COL23A1: variants seen among roughly 807,000 people sequenced by gnomAD.
COL23A1 encodes the protein collagen alpha-1(XXIII) chain.
In COL23A1, 97 loss-of-function variants were observed where a neutral mutation model predicts 99.3. That is an observed-to-expected ratio of 0.98 (90% CI 0.83 to 1.16). The LOEUF (loss-of-function observed/expected upper bound fraction) is 1.16, where lower values mean the gene tolerates loss of function less well. Ranked by LOEUF, COL23A1 falls within the 50% of genes most tolerant of loss-of-function variation. The pLI, the probability that COL23A1 is intolerant of heterozygous loss-of-function variation, is 0.00. For synonymous variants in COL23A1, 320 were observed against 308.2 expected, an observed-to-expected ratio of 1.04 and a Z score of -0.40; for missense variants, 762 against 757.4, an observed-to-expected ratio of 1.01 and a Z score of -0.07.
Position 178,294,183 on chromosome 5 carries a change from G to A in COL23A1, c.407-3814C>T, listed in dbSNP as rs139994755. On this transcript the variant is annotated intron_variant, in intron 3 of 28. Transcript: ENST00000390654. ...CTCACTGTCTTGTTCCTAAGACAAT[G>A]GCCCGAACCCAGTGGTGCCTTCCAC... is the stretch of plus-strand genomic sequence containing the variant. Among the ~76,000 whole-genome samples the A allele has an allele frequency of 2.9e-3, 442 of 152,086 alleles. 3 individuals are homozygous for A. The highest frequency in any genetic ancestry group is 9.8e-3 in the African/African-American group (408 of 41,454).
intron 2 of COL23A1, among the ~76,000 whole-genome samples, chr5:178,464,778 G>A (rs1209425766): frequency 6.6e-6 from 1 of 152,204 alleles, no homozygotes; most frequent in Non-Finnish European, 1.5e-5. Context: ...CAGATGTTGG[G>A]TGTAGCTCTC....
chr5:178,345,797 T>C (rs1241185948), intron 2 of COL23A1, among the ~76,000 whole-genome samples: 1 of 152,060 alleles, frequency 6.6e-6, no homozygotes, highest in African/African-American at 2.4e-5. Context: ...AGTGCTGGGA[T>C]TATAGGTATG....
intron 1 of COL23A1, among the ~76,000 whole-genome samples, chr5:178,578,051 A>G (rs553981570): frequency 1.3e-3 from 204 of 151,734 alleles, no homozygotes; most frequent in South Asian, 9.7e-3. Flanking sequence ...ACGTGCATGC[A>G]CACACCCACA....
intron 3 of COL23A1, among the ~76,000 whole-genome samples, chr5:178,295,969 A>G (rs2973780): frequency 0.6 from 92,033 of 152,194 alleles, 28,335 homozygotes; most frequent in Non-Finnish European, 0.66. Flanking sequence ...TAGGGGGGCC[A>G]AATGGCCAGA....
Position 178,535,413 on chromosome 5 carries a change from G to C in COL23A1, c.361+25269C>G, listed in dbSNP as rs1035191008. Among the ~76,000 whole-genome samples, 16 of 152,352 alleles carry C rather than the reference G, an allele frequency of 1.1e-4. 1 individual carries two copies. The East Asian group carries it at 2.9e-3, about 28-fold the overall frequency. On this transcript the variant is annotated intron_variant, in intron 2 of 28. Transcript: ENST00000390654. ...TGGCTCCAGCACTCCGTGGGTGTGGGCAAGGCCACAAGCTGAGCATGCTCC... is the reference window on the plus strand; with the variant it reads ...TGGCTCCAGCACTCCGTGGGTGTGGCCAAGGCCACAAGCTGAGCATGCTCC...
chr5:178,311,497 TGTGTGTGTGCGC>T (rs1278064167), intron 2 of COL23A1, among the ~76,000 whole-genome samples: 4 of 9,784 alleles, frequency 4.1e-4, no homozygotes, highest in African/African-American at 1.4e-3. Flanking sequence ...TGTGTGTGTG[TGTGTGTGTGCGC>T]GTGTGTGTGT....
In COL23A1 at chr5:178,387,081, C is replaced by T. The variant is rs1377307371; in HGVS notation, c.362-80162G>A. ...GTCCGACTTCCTGGCACTCTGCACC[C>T]CCACCTTATTTCTCTCCCACGGCAG... On this transcript the variant is annotated intron_variant, in intron 2 of 28. Coordinates refer to ENST00000390654, the MANE Select transcript of COL23A1 (RefSeq NM_173465.4). This position sits in a 1 kb window ranked among gnomAD's most constrained non-coding sequence, Gnocchi z 4.7. Among the ~76,000 whole-genome samples the T allele has an allele frequency of 1.3e-5, 2 of 152,104 alleles. No individual in the cohort carries two copies. The highest frequency in any genetic ancestry group is 4.8e-5 in the African/African-American group (2 of 41,410).
chr5:178,353,607 C>G (rs2127682646), intron 2 of COL23A1, among the ~76,000 whole-genome samples: 1 of 152,288 alleles, frequency 6.6e-6, no homozygotes, highest in South Asian at 2.1e-4. Flanking sequence ...CAAATGACCT[C>G]TTCCCTGGGA....
chr5:178,455,628 G>A (rs10078495), intron 2 of COL23A1, among the ~76,000 whole-genome samples: 68,192 of 152,060 alleles, frequency 0.45, 16,260 homozygotes, highest in Admixed American at 0.58. Flanking sequence ...GCATGACACC[G>A]GCCCTCCCTG....
chr5:178,475,058 G>A (rs1361614311), intron 2 of COL23A1, among the ~76,000 whole-genome samples: 1 of 152,148 alleles, frequency 6.6e-6, no homozygotes. Flanking sequence ...TCACATGGCA[G>A]CATTCTTCCT....
chr5:178,328,461 T>G (rs1759821905), intron 2 of COL23A1, among the ~76,000 whole-genome samples: 1 of 152,244 alleles, frequency 6.6e-6, no homozygotes, highest in Non-Finnish European at 1.5e-5. Flanking sequence ...GTACAAATCC[T>G]GACTCTTTCA....
At chr5:178,285,765 A>G (rs1013487801) in intron 5 of COL23A1, among the ~76,000 whole-genome samples, 1 of 151,168 alleles carries the variant, frequency 6.6e-6, no homozygotes, top group Admixed American at 6.6e-5. Context: ...CGAGGCAGTC[A>G]CCCCAGCCTC....
At chr5:178,452,994 G>T (rs1767571615) in intron 2 of COL23A1, among the ~76,000 whole-genome samples, 1 of 152,136 alleles carries the variant, frequency 6.6e-6, no homozygotes, top group South Asian at 2.1e-4. Context: ...GCAAAAGAGT[G>T]GACACAACTG....
chr5:178,281,403 C>T lies in COL23A1; in HGVS notation c.441+6921G>A, dbSNP rs978801802. On this transcript the variant is annotated intron_variant, in intron 5 of 28. Transcript: ENST00000390654. The surrounding 1 kb of genome is among the most constrained non-coding windows in gnomAD (Gnocchi z 4.0). ...TTGGTCCCAGGCCGAGGCCCCGTCT[C>T]ACAGACCACATTTCAGCCCAGAGCT... Among the ~76,000 whole-genome samples, 7 of 152,180 alleles carry T rather than the reference C, an allele frequency of 4.6e-5. No individual in the cohort carries two copies. The highest frequency in any genetic ancestry group is 1.7e-4 in the African/African-American group (7 of 41,452).
chr5:178,302,904 C>G (rs1011905253), intron 3 of COL23A1, among the ~76,000 whole-genome samples: 1 of 152,192 alleles, frequency 6.6e-6, no homozygotes, highest in African/African-American at 2.4e-5. Flanking sequence ...AGTGACAGTT[C>G]TCTGGGGATG....
At chr5:178,518,622 G>C (rs991531678) in intron 2 of COL23A1, among the ~76,000 whole-genome samples, 1 of 135,556 alleles carries the variant, frequency 7.4e-6, no homozygotes, top group Non-Finnish European at 1.6e-5. Flanking sequence ...TCAGACGATG[G>C]GCGGCCGGGC....
intron 2 of COL23A1, among the ~76,000 whole-genome samples, chr5:178,447,406 A>G (rs1581406759): frequency 6.6e-6 from 1 of 152,224 alleles, no homozygotes; most frequent in Admixed American, 6.5e-5. Context: ...CATGTGCCAC[A>G]TAACATTTGG....
At chr5:178,276,022 G>A (rs910575932) in intron 5 of COL23A1, among the ~76,000 whole-genome samples, 4 of 152,196 alleles carry the variant, frequency 2.6e-5, no homozygotes, top group Non-Finnish European at 5.9e-5. Context: ...TGGTACTAAC[G>A]CAGCGGGCAT....
At chr5:178,477,134 G>A (rs776674098) in intron 2 of COL23A1, among the ~76,000 whole-genome samples, 20 of 152,184 alleles carry the variant, frequency 1.3e-4, no homozygotes, top group South Asian at 8.3e-4. Flanking sequence ...ACAGTAAAGC[G>A]CCATAAGAGG....
Sources: gnomAD v4.1 joint callset for allele counts (sites outside exome capture counted in the v4.1 genomes callset) on GRCh38, gnomAD v4.1.1 for gene constraint, Gnocchi (gnomAD v3.1) non-coding constraint, MANE v1.5 for transcripts, NCBI Gene and HGNC (gene_info 2026-07-23, HGNC 2026-07-21) for gene names.